The following SPOCK3 variants were observed in gnomAD, a reference collection of about 807,000 sequenced individuals.
SPOCK3 encodes SPARC (osteonectin), cwcv and kazal like domains proteoglycan 3, also known as testican-3.
A neutral mutation model predicts 56.6 loss-of-function variants in SPOCK3; 30 were observed. That is an observed-to-expected ratio of 0.53 (90% CI 0.40 to 0.72). The LOEUF is 0.72. SPOCK3 is among the 30% of genes least tolerant of loss of function. The pLI is 0.00. For synonymous variants in SPOCK3, 196 were observed against 183.3 expected (o/e 1.07, Z -0.56); for missense variants, 527 against 530.0 (o/e 0.99, Z 0.06).
intron 7 of SPOCK3, among the ~76,000 whole-genome samples, chr4:166,788,457 T>A (rs1740973501): frequency 6.6e-6 from 1 of 152,086 alleles, no homozygotes; most frequent in African/African-American, 2.4e-5. Flanking sequence ...ATTTATATAC[T>A]TTTTATCTCT....
chr4:166,789,847 G>A (rs770762913), intron 7 of SPOCK3, among the ~76,000 whole-genome samples: 6 of 152,220 alleles, frequency 3.9e-5, no homozygotes, highest in South Asian at 2.1e-4. Flanking sequence ...GCAAAATGCC[G>A]TAAGCTTTTT....
chr4:166,830,799 G>A (rs1745958221), intron 6 of SPOCK3, among the ~76,000 whole-genome samples: 1 of 151,884 alleles, frequency 6.6e-6, no homozygotes, highest in Non-Finnish European at 1.5e-5. Flanking sequence ...TATGTTTTTG[G>A]GAAAGTGTGA....
chr4:167,049,367 T>C (rs1329868918), intron 3 of SPOCK3, among the ~76,000 whole-genome samples: 1 of 152,188 alleles, frequency 6.6e-6, no homozygotes, highest in Non-Finnish European at 1.5e-5. Flanking sequence ...GTATACTGTC[T>C]AAAGATTGGA....
At chr4:166,872,928 G>C (rs1158987521) in intron 6 of SPOCK3, among the ~76,000 whole-genome samples, 1 of 152,108 alleles carries the variant, frequency 6.6e-6, no homozygotes, top group Non-Finnish European at 1.5e-5. Flanking sequence ...CGATCACCTG[G>C]TGAAAAAGGA....
chr4:166,916,176 C>CT (rs138846749), intron 4 of SPOCK3, among the ~76,000 whole-genome samples: 34 of 148,716 alleles, frequency 2.3e-4, no homozygotes, highest in Admixed American at 4.7e-4. Flanking sequence ...CTCAAGTTTT[C>CT]TTTTTTTTTT....
chr4:167,197,900 C>T (rs1159208653), intron 2 of SPOCK3, among the ~76,000 whole-genome samples: 2 of 152,170 alleles, frequency 1.3e-5, no homozygotes, highest in Non-Finnish European at 2.9e-5. Context: ...GAAGACACCT[C>T]ATTCTCTCCG....
intron 2 of SPOCK3, among the ~76,000 whole-genome samples, chr4:167,172,063 A>T (rs1461229854): frequency 6.6e-6 from 1 of 152,176 alleles, no homozygotes; most frequent in Non-Finnish European, 1.5e-5. Flanking sequence ...AGCAAAAGTC[A>T]GCTGCTTCTG....
chr4:166,828,220 T>C (rs1745680623), intron 6 of SPOCK3, among the ~76,000 whole-genome samples: 1 of 152,020 alleles, frequency 6.6e-6, no homozygotes, highest in Non-Finnish European at 1.5e-5. Flanking sequence ...TAATTCCTTA[T>C]AAATGGAAAA....
At chr4:166,911,347 C>T (rs1737245414) in intron 5 of SPOCK3, among the ~76,000 whole-genome samples, 2 of 151,990 alleles carry the variant, frequency 1.3e-5, no homozygotes, top group African/African-American at 4.8e-5. Flanking sequence ...GAAATATTTG[C>T]TCAGACAGAT....
At position 167,087,218 on chromosome 4, in the gene SPOCK3, T is replaced by C. The variant is rs188154668; in HGVS notation, c.190-24681A>G. ...ACAGTTGTTACTATAACTTCTTTTCTATAAGTGAGAAAACTGAAACATAGC... is the reference window on the plus strand; with the variant it reads ...ACAGTTGTTACTATAACTTCTTTTCCATAAGTGAGAAAACTGAAACATAGC... On this transcript the variant is annotated intron_variant, in intron 2 of 10. Coordinates refer to ENST00000357545, the MANE Select transcript of SPOCK3 (RefSeq NM_001040159.2). Among the ~76,000 whole-genome samples the C allele has an allele frequency of 1.8e-3, 272 of 152,262 alleles. 2 individuals are homozygous for C. The highest frequency in any genetic ancestry group is 6.6e-4 in the Non-Finnish European group (45 of 67,996).
intron 6 of SPOCK3, among the ~76,000 whole-genome samples, chr4:166,855,388 AT>A (rs11364439): frequency 0.41 from 61,576 of 151,944 alleles, 14,542 homozygotes; most frequent in Non-Finnish European, 0.54. Context: ...AAGCGACTCT[AT>A]TTTTTTCCCT....
rs539842428 is a variant in SPOCK3 at position 167,181,818 on chromosome 4, C to T, written c.189+52167G>A. Among the ~76,000 whole-genome samples the T allele has an allele frequency of 2.0e-5, 3 of 152,284 alleles. No individual in the cohort carries two copies. In the East Asian group the frequency reaches 5.8e-4, roughly 29 times the overall value. ...ATACATGAAGACATGTTTGCTTCTT[C>T]TCACTAATTTTATCTGCTATATTTT... On this transcript the variant is annotated intron_variant, in intron 2 of 10. Coordinates refer to ENST00000357545, the MANE Select transcript of SPOCK3 (RefSeq NM_001040159.2).
chr4:166,767,691 G>T (rs995906070), intron 7 of SPOCK3, among the ~76,000 whole-genome samples: 6 of 152,302 alleles, frequency 3.9e-5, no homozygotes, highest in South Asian at 4.1e-4. Context: ...GAGTTCCGTA[G>T]ATGTCTATTA....
At chr4:167,116,413 GTATA>G (rs201984574) in intron 2 of SPOCK3, among the ~76,000 whole-genome samples, 5 of 140,646 alleles carry the variant, frequency 3.6e-5, no homozygotes, top group African/African-American at 5.2e-5. Flanking sequence ...ATACACAAAA[GTATA>G]TATATATACA....
intron 2 of SPOCK3, among the ~76,000 whole-genome samples, chr4:167,189,770 C>T (rs2110836401): frequency 6.9e-6 from 1 of 145,636 alleles, no homozygotes; most frequent in East Asian, 2.1e-4. Context: ...TATCCTTGAC[C>T]AACATCTCAT....
intron 6 of SPOCK3, among the ~76,000 whole-genome samples, chr4:166,853,067 A>G (rs1468252160): frequency 1.3e-5 from 2 of 152,160 alleles, no homozygotes; most frequent in East Asian, 3.9e-4. Context: ...TTCTTTTATA[A>G]AATAAAGACC....
intron 4 of SPOCK3, among the ~76,000 whole-genome samples, chr4:166,932,895 G>A (rs1044117031): frequency 6.6e-6 from 1 of 152,112 alleles, no homozygotes; most frequent in African/African-American, 2.4e-5. Context: ...TTTATTGTGT[G>A]TCTAGTATCC....
chr4:167,016,533 C>A (rs1453730189), intron 3 of SPOCK3, among the ~76,000 whole-genome samples: 1 of 151,518 alleles, frequency 6.6e-6, no homozygotes, highest in African/African-American at 2.4e-5. Flanking sequence ...GCAAAAGGAA[C>A]CCAGAAAATC....
chr4:166,741,527 T>C (rs569845754), intron 9 of SPOCK3, among the ~76,000 whole-genome samples: 7 of 152,306 alleles, frequency 4.6e-5, no homozygotes, highest in African/African-American at 1.7e-4. Flanking sequence ...TATCTACTTA[T>C]ACATTTACTT....
Sources: allele counts gnomAD v4.1 joint callset (sites outside exome capture counted in the v4.1 genomes callset), GRCh38; gene constraint gnomAD v4.1.1; transcripts MANE v1.5; gene names NCBI Gene and HGNC (gene_info 2026-07-23, HGNC 2026-07-21).